KIAA1328: variants seen among roughly 807,000 people sequenced by gnomAD.
KIAA1328 encodes the protein protein hinderin.
A neutral mutation model predicts 68.1 loss-of-function variants in KIAA1328; 52 were observed. The ratio of observed to expected loss-of-function variants is 0.76; its 90% CI spans 0.61 to 0.96. KIAA1328 has a LOEUF of 0.96. Among genes scored for constraint, KIAA1328 ranks in the 40% least tolerant of loss-of-function variants. The pLI, the probability that KIAA1328 is intolerant of heterozygous loss-of-function variation, is 0.00. For missense variants in KIAA1328, 641 were observed against 677.6 expected (o/e 0.95, Z 0.60); for synonymous variants, 232 against 239.4 (o/e 0.97, Z 0.28).
At chr18:37,008,560 T>C (rs2053863387) in intron 6 of KIAA1328, among the ~76,000 whole-genome samples, 1 of 152,118 alleles carries the variant, frequency 6.6e-6, no homozygotes, top group Admixed American at 6.5e-5. Flanking sequence ...GAAAAGATAA[T>C]TAAGAAATCA....
At chr18:37,095,191 A>G (rs2057370770) in intron 7 of KIAA1328, among the ~76,000 whole-genome samples, 1 of 152,192 alleles carries the variant, frequency 6.6e-6, no homozygotes, top group African/African-American at 2.4e-5. Flanking sequence ...GCAGAAAATC[A>G]AGGAAACATC....
At chr18:36,945,336 A>G (rs534652464) in intron 5 of KIAA1328, among the ~76,000 whole-genome samples, 47 of 152,284 alleles carry the variant, frequency 3.1e-4, no homozygotes, top group African/African-American at 9.9e-4. Flanking sequence ...AAAGTTGTTC[A>G]TAAAATTTTT....
intron 3 of KIAA1328, among the ~76,000 whole-genome samples, chr18:36,838,892 AC>A (rs1888413923): frequency 6.6e-6 from 1 of 151,892 alleles, no homozygotes. Flanking sequence ...GCACCGCCAC[AC>A]CCGGCTAATT....
chr18:37,107,032 C>T (rs1599292973), intron 7 of KIAA1328, among the ~76,000 whole-genome samples: 1 of 152,044 alleles, frequency 6.6e-6, no homozygotes, highest in East Asian at 1.9e-4. Flanking sequence ...TCACTTGAGG[C>T]CAGGAGTTCA....
At chr18:37,112,240 C>G (rs924917225) in intron 7 of KIAA1328, among the ~76,000 whole-genome samples, 2 of 152,190 alleles carry the variant, frequency 1.3e-5, no homozygotes, top group Non-Finnish European at 2.9e-5. Flanking sequence ...GGGTCCCTGA[C>G]CCCCGAGTAG....
chr18:36,988,130 C>T (rs767630041), intron 6 of KIAA1328, among the ~76,000 whole-genome samples: 9 of 152,104 alleles, frequency 5.9e-5, no homozygotes, highest in East Asian at 1.9e-4. Flanking sequence ...TTTTGAAACC[C>T]GCAGAAACTG....
intron 4 of KIAA1328, among the ~76,000 whole-genome samples, chr18:36,860,425 A>G (rs1171096328): frequency 1.3e-5 from 2 of 151,902 alleles, no homozygotes; most frequent in Non-Finnish European, 2.9e-5. Context: ...TTGACTCTAT[A>G]TTTATTAGTT....
intron 7 of KIAA1328, among the ~76,000 whole-genome samples, chr18:37,154,014 C>T (rs1309332668): frequency 1.3e-5 from 2 of 152,042 alleles, no homozygotes; most frequent in African/African-American, 4.8e-5. Flanking sequence ...CGAGGATTTC[C>T]TACAGGTGCC....
In KIAA1328 at chr18:37,222,426, T is replaced by C; in HGVS notation, c.*199T>C. ...TCAGACCAGGCATTCGATAACACAC[T>C]AAGGGGGTAGGAATGGAAGATGGTA... On this transcript the variant is annotated 3_prime_UTR_variant, in exon 10 of 10. Coordinates refer to ENST00000280020, the MANE Select transcript of KIAA1328 (RefSeq NM_020776.3). The C allele has an allele frequency of 7.0e-7, 1 of 1,418,808 alleles. No homozygotes were observed. Among genetic ancestry groups the C allele is most frequent in the Non-Finnish European group, 9.2e-7 (1 of 1,091,746 alleles). The allele number at this position is 1,418,808 out of a possible 1,614,324, so 87.9% of individuals were successfully genotyped here.
At chr18:37,020,246 C>T (rs567133494) in intron 6 of KIAA1328, among the ~76,000 whole-genome samples, 5 of 152,258 alleles carry the variant, frequency 3.3e-5, no homozygotes, top group Non-Finnish European at 7.4e-5. Flanking sequence ...CCTTAGCCTC[C>T]CAAGTAGCTG....
At position 36,975,343 on chromosome 18, in the gene KIAA1328, T is replaced by C. The variant is rs530772274; in HGVS notation, c.576+15908T>C. The stretch of plus-strand genomic sequence containing the variant: ...GACTACAGGCGCCCGCCACTACGCC[T>C]GGCTAATTTTTTGTATTTTTAGTAG... On this transcript the variant is annotated intron_variant, in intron 6 of 9. Coordinates refer to ENST00000280020, the MANE Select transcript of KIAA1328 (RefSeq NM_020776.3). 2.7e-4 allele frequency among the ~76,000 whole-genome samples: 41 copies of C among 152,018 alleles called. 1 individual carries two copies. The South Asian group carries it at 7.5e-3, about 28-fold the overall frequency.
intron 7 of KIAA1328, among the ~76,000 whole-genome samples, chr18:37,086,012 G>A (rs913501100): frequency 6.6e-6 from 1 of 152,106 alleles, no homozygotes; most frequent in Non-Finnish European, 1.5e-5. Context: ...ATTCAGCACA[G>A]AAAGACAAAT....
chr18:36,948,841 G>A (rs919781161), intron 5 of KIAA1328, among the ~76,000 whole-genome samples: 5 of 152,182 alleles, frequency 3.3e-5, no homozygotes, highest in African/African-American at 7.2e-5. Flanking sequence ...AAGCCACTGC[G>A]ACATGACTTT....
rs192156375 is a variant in KIAA1328, at chr18:37,127,562, A to G, written c.1233-32638A>G. 5.3e-5 allele frequency among the ~76,000 whole-genome samples: 8 copies of G among 152,222 alleles called. No homozygotes were observed. In the East Asian group the frequency reaches 1.5e-3, roughly 29 times the overall value. Reference sequence around the variant, plus strand: ...TATCTCTACAAAAAACAAAAATAATATAAAATAAAAATTTAAAAAGAACCC... The same window carrying G: ...TATCTCTACAAAAAACAAAAATAATGTAAAATAAAAATTTAAAAAGAACCC... On this transcript the variant is annotated intron_variant, in intron 7 of 9. Transcript: ENST00000280020.
intron 6 of KIAA1328, among the ~76,000 whole-genome samples, chr18:37,034,868 G>A: frequency 6.6e-6 from 1 of 152,172 alleles, no homozygotes; most frequent in East Asian, 1.9e-4. Flanking sequence ...ACGTGGTACT[G>A]TGCAGGACTA....
Position 37,223,771 on chromosome 18 carries a change from G to C in KIAA1328, c.*1544G>C, listed in dbSNP as rs1257565887. 1 of 985,408 alleles carries C rather than the reference G, an allele frequency of 1.0e-6. No homozygotes were observed. The highest frequency in any genetic ancestry group is 1.2e-6 in the Non-Finnish European group (1 of 829,930). The allele number at this position is 985,408 out of a possible 1,614,324, so 61.0% of individuals were successfully genotyped here. A position where few individuals can be genotyped will look rare whatever the true frequency, so the allele number is the denominator to read the frequency against. On this transcript the variant is annotated 3_prime_UTR_variant, in exon 10 of 10. Coordinates refer to ENST00000280020, the MANE Select transcript of KIAA1328 (RefSeq NM_020776.3). ...TTATCCAGATAGATCCAAAGCTCAT[G>C]TCTCTTCAGGCTGAGACTGGCGCTG...
chr18:36,954,164 G>A (rs374204236), intron 5 of KIAA1328, among the ~76,000 whole-genome samples: 3 of 151,610 alleles, frequency 2.0e-5, no homozygotes, highest in South Asian at 2.1e-4. Context: ...CACCGCGCCC[G>A]GCTAATTTTT....
intron 7 of KIAA1328, among the ~76,000 whole-genome samples, chr18:37,084,685 G>T (rs1193734665): frequency 6.6e-6 from 1 of 151,940 alleles, no homozygotes; most frequent in East Asian, 1.9e-4. Flanking sequence ...ATAATACAGG[G>T]TTTTGCTATT....
At chr18:37,153,094 C>T (rs2059073423) in intron 7 of KIAA1328, among the ~76,000 whole-genome samples, 1 of 152,172 alleles carries the variant, frequency 6.6e-6, no homozygotes, top group Admixed American at 6.5e-5. Context: ...CCACCTTCTT[C>T]ATGCACTGTG....
Sources: gnomAD v4.1 joint callset for allele counts (sites outside exome capture counted in the v4.1 genomes callset) on GRCh38, gnomAD v4.1.1 for gene constraint, MANE v1.5 for transcripts, NCBI Gene and HGNC (gene_info 2026-07-23, HGNC 2026-07-21) for gene names.